Variants in TMEM156 observed in about 807,000 individuals in gnomAD.
TMEM156 encodes transmembrane protein 156.
In TMEM156, 28 loss-of-function variants were observed where a neutral mutation model predicts 30.5. The ratio of observed to expected loss-of-function variants is 0.92; its 90% CI spans 0.68 to 1.26. TMEM156 has a LOEUF of 1.26. TMEM156 is among the 50% of genes most tolerant of loss of function. The probability of loss-of-function intolerance (pLI) is 0.00; values close to 1 mark genes in which losing one functional copy is unlikely to be tolerated. For synonymous variants in TMEM156, 137 were observed against 119.9 expected (o/e 1.14, Z -0.93); for missense variants, 351 against 340.6 (o/e 1.03, Z -0.24).
chr4:39,014,979 A>G (rs1714382519), intron 1 of TMEM156, among the ~76,000 whole-genome samples: 1 of 152,130 alleles, frequency 6.6e-6, no homozygotes, highest in African/African-American at 2.4e-5. Context: ...AAGATTAAAA[A>G]CCATGGACTG....
intron 5 of TMEM156, among the ~76,000 whole-genome samples, chr4:38,978,226 A>G (rs1412373898): frequency 1.3e-5 from 2 of 152,072 alleles, no homozygotes; most frequent in Non-Finnish European, 2.9e-5. Flanking sequence ...GTTCAGCTAC[A>G]TTTTATATGG....
intron 1 of TMEM156, among the ~76,000 whole-genome samples, chr4:39,005,576 G>A (rs1390132431): frequency 6.6e-6 from 1 of 152,026 alleles, no homozygotes; most frequent in East Asian, 1.9e-4. Flanking sequence ...TGTGAAAACA[G>A]ACTAATACAA....
chr4:38,973,135 G>C (rs1364840969), intron 5 of TMEM156, among the ~76,000 whole-genome samples: 3 of 152,142 alleles, frequency 2.0e-5, no homozygotes, highest in African/African-American at 7.2e-5. Context: ...CGATTATTCA[G>C]TCATCCCAAT....
chr4:39,004,838 A>G lies in TMEM156; in HGVS notation c.89-5929T>C, dbSNP rs76477734. Among the ~76,000 whole-genome samples the G allele has an allele frequency of 6.6e-4, 100 of 152,330 alleles. 2 individuals carry two copies. The East Asian group carries it at 0.015, about 23-fold the overall frequency. On this transcript the variant is annotated intron_variant, in intron 1 of 6. Coordinates refer to ENST00000381938, the MANE Select transcript of TMEM156 (RefSeq NM_024943.3). ...GAAAACAGATTTTCTTATGAGTTAAACATATACTTACCATATGACCCAAAA... is the reference window on the plus strand; with the variant it reads ...GAAAACAGATTTTCTTATGAGTTAAGCATATACTTACCATATGACCCAAAA...
At chr4:39,013,613 G>A (rs1714279058) in intron 1 of TMEM156, among the ~76,000 whole-genome samples, 1 of 151,884 alleles carries the variant, frequency 6.6e-6, no homozygotes, top group South Asian at 2.1e-4. Context: ...TGTTGGCCAG[G>A]ATGGTCTCAA....
chr4:38,968,735 A>G (rs1394965990), intron 6 of TMEM156, among the ~76,000 whole-genome samples: 1 of 152,206 alleles, frequency 6.6e-6, no homozygotes, highest in African/African-American at 2.4e-5. Context: ...CCAAAGTACT[A>G]AGACCTGCCT....
At chr4:38,980,016 G>A (rs1311118464) in intron 5 of TMEM156, among the ~76,000 whole-genome samples, 2 of 151,978 alleles carry the variant, frequency 1.3e-5, no homozygotes, top group African/African-American at 4.8e-5. Context: ...AACCAATTAT[G>A]GCCGCTTAAA....
chr4:39,025,684 T>G (rs73124091), intron 1 of TMEM156, among the ~76,000 whole-genome samples: 2,183 of 152,320 alleles, frequency 0.014, 52 homozygotes, highest in African/African-American at 0.049. Flanking sequence ...CTGCTCATTT[T>G]ACTTGTCAAA....
intron 3 of TMEM156, among the ~76,000 whole-genome samples, chr4:38,991,206 C>CT (rs34417437): frequency 0.41 from 57,721 of 142,024 alleles, 12,362 homozygotes; most frequent in East Asian, 0.69. Flanking sequence ...TTTTAACTGT[C>CT]TTTTTCTTTT....
intron 2 of TMEM156, among the ~76,000 whole-genome samples, chr4:38,995,581 G>A (rs1712867345): frequency 6.6e-6 from 1 of 152,194 alleles, no homozygotes; most frequent in Non-Finnish European, 1.5e-5. Context: ...TGGGCGTGGT[G>A]GCGCACGCCT....
chr4:38,976,808 G>A (rs1722876095), intron 5 of TMEM156, among the ~76,000 whole-genome samples: 2 of 152,200 alleles, frequency 1.3e-5, no homozygotes, highest in Non-Finnish European at 2.9e-5. Context: ...TGATTCTGAC[G>A]CACATTAAAG....
chr4:39,026,581 T>C (rs760350520), intron 1 of TMEM156, among the ~76,000 whole-genome samples: 1 of 152,134 alleles, frequency 6.6e-6, no homozygotes, highest in Non-Finnish European at 1.5e-5. Context: ...ATGAAAATAT[T>C]GTGTCCATTA....
chr4:39,019,382 A>G (rs1193786365), intron 1 of TMEM156, among the ~76,000 whole-genome samples: 2 of 152,116 alleles, frequency 1.3e-5, no homozygotes, highest in African/African-American at 4.8e-5. Context: ...ATTTTTCACA[A>G]TTAGAACTTC....
chr4:39,001,028 C>T (rs567441943), intron 1 of TMEM156, among the ~76,000 whole-genome samples: 1 of 151,766 alleles, frequency 6.6e-6, no homozygotes, highest in Non-Finnish European at 1.5e-5. Flanking sequence ...TTGGGAATTC[C>T]TATTTAGCAG....
At chr4:38,988,587 C>G (rs1361505190) in intron 4 of TMEM156, among the ~76,000 whole-genome samples, 3 of 152,188 alleles carry the variant, frequency 2.0e-5, no homozygotes, top group Non-Finnish European at 1.5e-5. Flanking sequence ...CTCACTTCCG[C>G]TAAGCCCTGC....
intron 3 of TMEM156, among the ~76,000 whole-genome samples, chr4:38,992,051 A>G (rs1203318484): frequency 2.0e-5 from 3 of 152,194 alleles, no homozygotes; most frequent in Non-Finnish European, 4.4e-5. Context: ...CTCACATTTT[A>G]TCTTAAAAAT....
At chr4:38,994,510 A>C (rs1211241583) in intron 2 of TMEM156, among the ~76,000 whole-genome samples, 7 of 152,198 alleles carry the variant, frequency 4.6e-5, no homozygotes, top group Admixed American at 3.9e-4. Flanking sequence ...GGAGCATCTA[A>C]AAGAAAATAC....
chr4:38,972,242 A>ATTTTTTTTTTTTTTTTTTTTT (rs144479056), intron 5 of TMEM156, among the ~76,000 whole-genome samples: 1 of 75,816 alleles, frequency 1.3e-5, no homozygotes, highest in Non-Finnish European at 2.3e-5. Flanking sequence ...TTCTCTGGGA[A>ATTTTTTTTTTTTTTTTTTTTT]TTTTTTTTTT....
intron 1 of TMEM156, among the ~76,000 whole-genome samples, chr4:39,012,298 A>G (rs1714180691): frequency 6.6e-6 from 1 of 152,226 alleles, no homozygotes; most frequent in African/African-American, 2.4e-5. Context: ...GCAAATTACT[A>G]TATTCTCTTT....
Sources: allele counts gnomAD v4.1 joint callset (sites outside exome capture counted in the v4.1 genomes callset), GRCh38; gene constraint gnomAD v4.1.1; transcripts MANE v1.5; gene names NCBI Gene and HGNC (gene_info 2026-07-23, HGNC 2026-07-21).